AFG2A: variants seen among roughly 807,000 people sequenced by gnomAD.
AFG2A encodes AAA ATPase AFG2A, also known as ATPase family gene 2 protein homolog A.
At chr4:123,173,482 A>T in the AFG2A span, among the ~76,000 whole-genome samples, 1 of 150,698 alleles carries the variant, frequency 6.6e-6, no homozygotes, top group Non-Finnish European at 1.5e-5. Flanking sequence ...CAGCCTCCCG[A>T]GTAGCTGGGC....
the AFG2A span, among the ~76,000 whole-genome samples, chr4:123,298,103 G>GCGTA: frequency 5.2e-5 from 4 of 77,410 alleles, no homozygotes; most frequent in South Asian, 3.2e-4. Flanking sequence ...ATGCATGCGT[G>GCGTA]CATACACATA....
the AFG2A span, among the ~76,000 whole-genome samples, chr4:122,975,413 A>G: frequency 6.6e-6 from 1 of 152,212 alleles, no homozygotes; most frequent in Non-Finnish European, 1.5e-5. Flanking sequence ...GGAGACAAAA[A>G]CATTCATACC....
the AFG2A span, among the ~76,000 whole-genome samples, chr4:123,280,590 C>T: frequency 6.6e-6 from 1 of 152,344 alleles, no homozygotes; most frequent in African/African-American, 2.4e-5. Context: ...CTGAGGCCCC[C>T]TGCATTCCTT....
At chr4:122,967,400 TA>T in the AFG2A span, among the ~76,000 whole-genome samples, 19 of 149,416 alleles carry the variant, frequency 1.3e-4, no homozygotes, top group South Asian at 1.3e-3. Context: ...CCTTGTCTCT[TA>T]AAAAAAAAAT....
the AFG2A span, among the ~76,000 whole-genome samples, chr4:123,102,943 A>G: frequency 6.6e-6 from 1 of 151,978 alleles, no homozygotes; most frequent in East Asian, 1.9e-4. Context: ...TAAAACATGA[A>G]GAGTTTAAGC....
the AFG2A span, among the ~76,000 whole-genome samples, chr4:123,279,346 G>T: frequency 6.6e-6 from 1 of 151,922 alleles, no homozygotes; most frequent in Non-Finnish European, 1.5e-5. Flanking sequence ...GGAGGCAGAG[G>T]TTGCAGTGAG....
chr4:123,273,108 G>C, the AFG2A span, among the ~76,000 whole-genome samples: 2 of 152,094 alleles, frequency 1.3e-5, no homozygotes, highest in African/African-American at 4.8e-5. Flanking sequence ...CAATTTCTTA[G>C]GTAGAGGGCT....
chr4:123,020,445 T>C, the AFG2A span, among the ~76,000 whole-genome samples: 36 of 151,830 alleles, frequency 2.4e-4, no homozygotes, highest in East Asian at 3.5e-3. Flanking sequence ...CTCGGCTCAG[T>C]GTAACCTCCG....
chr4:122,951,015 C>T, the AFG2A span, among the ~76,000 whole-genome samples: 7 of 152,186 alleles, frequency 4.6e-5, no homozygotes, highest in African/African-American at 1.2e-4. Context: ...TTGACCACAT[C>T]GTCTGTGGGG....
chr4:123,161,476 A>G, the AFG2A span, among the ~76,000 whole-genome samples: 1 of 152,208 alleles, frequency 6.6e-6, no homozygotes, highest in Non-Finnish European at 1.5e-5. Context: ...GGAGAGGAAT[A>G]GGTAGTTATT....
chr4:123,311,327 A>T, the AFG2A span, among the ~76,000 whole-genome samples: 1 of 152,136 alleles, frequency 6.6e-6, no homozygotes, highest in South Asian at 2.1e-4. Context: ...TATAGCTCAT[A>T]GAAAAATCTA....
the AFG2A span, among the ~76,000 whole-genome samples, chr4:122,954,232 T>C: frequency 0.041 from 6,250 of 152,228 alleles, 415 homozygotes; most frequent in African/African-American, 0.14. Flanking sequence ...TCCACTCATC[T>C]TGAGTCTGGA....
At chr4:123,163,582 C>G in the AFG2A span, among the ~76,000 whole-genome samples, 2 of 152,092 alleles carry the variant, frequency 1.3e-5, no homozygotes, top group Admixed American at 1.3e-4. Context: ...TTTTATTTCC[C>G]CAAATATATG....
chr4:123,055,058 T>G, the AFG2A span, among the ~76,000 whole-genome samples: 1 of 152,176 alleles, frequency 6.6e-6, no homozygotes, highest in Non-Finnish European at 1.5e-5. Context: ...TCTGAACCCC[T>G]GCCTCCCACT....
the AFG2A span, among the ~76,000 whole-genome samples, chr4:123,231,416 C>T: frequency 6.6e-6 from 1 of 152,052 alleles, no homozygotes; most frequent in Non-Finnish European, 1.5e-5. Flanking sequence ...TCACCTCTCT[C>T]AGCCTTCACA....
chr4:123,106,373 A>T, the AFG2A span, among the ~76,000 whole-genome samples: 8 of 152,070 alleles, frequency 5.3e-5, no homozygotes, highest in Non-Finnish European at 1.0e-4. Flanking sequence ...CTTTATTGCA[A>T]TATTAGCTTT....
chr4:123,256,041 A>T, the AFG2A span: 4 of 1,614,076 alleles, frequency 2.5e-6, no homozygotes, highest in Non-Finnish European at 3.4e-6. Flanking sequence ...GGAAGAATTG[A>T]TAGAATCATC....
At chr4:123,312,486 A>C in the AFG2A span, among the ~76,000 whole-genome samples, 6 of 152,174 alleles carry the variant, frequency 3.9e-5, no homozygotes, top group East Asian at 1.2e-3. Flanking sequence ...CTTTGTAGAG[A>C]TCTCCAAGGT....
the AFG2A span, among the ~76,000 whole-genome samples, chr4:123,053,755 G>A: frequency 2.0e-5 from 3 of 152,146 alleles, no homozygotes; most frequent in Non-Finnish European, 4.4e-5. Flanking sequence ...CTGTAGGGAC[G>A]GATTTGGAAA....
Sources: allele counts gnomAD v4.1 joint callset (sites outside exome capture counted in the v4.1 genomes callset), GRCh38; gene constraint gnomAD v4.1.1; transcripts MANE v1.5; gene names NCBI Gene and HGNC (gene_info 2026-07-23, HGNC 2026-07-21).